SLC8A1: variants seen among roughly 807,000 people sequenced by gnomAD.
The protein encoded by SLC8A1 is solute carrier family 8 member A1.
SLC8A1 carries 18 observed loss-of-function variants against 68.3 expected under a neutral mutation model. That is an observed-to-expected ratio of 0.26 (90% CI 0.18 to 0.39). The LOEUF (loss-of-function observed/expected upper bound fraction) is 0.39. Ranked by LOEUF, SLC8A1 falls within the 10% of genes least tolerant of loss-of-function variation. The probability of loss-of-function intolerance (pLI) is 1.00; values close to 1 mark genes in which losing one functional copy is unlikely to be tolerated. For missense variants in SLC8A1, 985 were observed against 1,156.7 expected, an observed-to-expected ratio of 0.85 and a Z score of 2.15; for synonymous variants, 475 against 415.5, an observed-to-expected ratio of 1.14 and a Z score of -1.74.
At chr2:40,333,413 G>A (rs893237346) in intron 2 of SLC8A1, among the ~76,000 whole-genome samples, 1 of 148,082 alleles carries the variant, frequency 6.8e-6, no homozygotes. Flanking sequence ...ACTCCAGCCT[G>A]GGCAAGAGAG....
At chr2:40,324,135 T>C (rs922130031) in intron 2 of SLC8A1, among the ~76,000 whole-genome samples, 1 of 152,000 alleles carries the variant, frequency 6.6e-6, no homozygotes, top group Non-Finnish European at 1.5e-5. Flanking sequence ...AAAAAGGTGA[T>C]GGAGATATTC....
intron 2 of SLC8A1, among the ~76,000 whole-genome samples, chr2:40,308,976 C>T (rs1008702623): frequency 2.6e-5 from 4 of 152,032 alleles, no homozygotes; most frequent in Non-Finnish European, 5.9e-5. Flanking sequence ...AGTTGGTCTC[C>T]ATAGTTAACT....
chr2:40,142,978 G>C (rs2041863754), intron 6 of SLC8A1, among the ~76,000 whole-genome samples: 1 of 152,046 alleles, frequency 6.6e-6, no homozygotes, highest in Non-Finnish European at 1.5e-5. Flanking sequence ...GAGCGAGAGA[G>C]AGAGAGAGAA....
chr2:40,417,050 T>C (rs1192235238), intron 2 of SLC8A1, among the ~76,000 whole-genome samples: 1 of 152,150 alleles, frequency 6.6e-6, no homozygotes, highest in East Asian at 1.9e-4. Context: ...AGGAGCATTT[T>C]AAAATGTCTT....
chr2:40,116,533 A>G (rs968167047), intron 7 of SLC8A1, among the ~76,000 whole-genome samples: 5 of 152,150 alleles, frequency 3.3e-5, no homozygotes, highest in South Asian at 2.1e-4. Context: ...TCACTGTTCA[A>G]TTCCCACCTA....
At chr2:40,347,437 A>G (rs61578092) in intron 2 of SLC8A1, among the ~76,000 whole-genome samples, 20,231 of 152,246 alleles carry the variant, frequency 0.13, 1,555 homozygotes, top group East Asian at 0.2. Flanking sequence ...AAGAGAATCC[A>G]GGCTTCAGAG....
intron 2 of SLC8A1, among the ~76,000 whole-genome samples, chr2:40,315,878 G>T (rs1485568383): frequency 6.6e-6 from 1 of 152,010 alleles, no homozygotes; most frequent in African/African-American, 2.4e-5. Flanking sequence ...TTCTTGCAAT[G>T]AGAACATTTG....
chr2:40,275,551 G>A (rs1425879485), intron 2 of SLC8A1, among the ~76,000 whole-genome samples: 1 of 152,172 alleles, frequency 6.6e-6, no homozygotes, highest in African/African-American at 2.4e-5. Context: ...GAGGAACGCT[G>A]GGTTGAAAGC....
chr2:40,274,904 T>A (rs1034822994), intron 2 of SLC8A1, among the ~76,000 whole-genome samples: 1 of 152,222 alleles, frequency 6.6e-6, no homozygotes, highest in African/African-American at 2.4e-5. Context: ...TTATCCTTTA[T>A]ATTAAATGGA....
intron 2 of SLC8A1, among the ~76,000 whole-genome samples, chr2:40,417,124 G>C (rs1050028002): frequency 4.6e-5 from 7 of 152,186 alleles, no homozygotes; most frequent in African/African-American, 1.4e-4. Flanking sequence ...TCAGTCTTGT[G>C]ATTGTCTTCA....
chr2:40,203,937 A>G (rs1486769936), intron 2 of SLC8A1, among the ~76,000 whole-genome samples: 1 of 151,960 alleles, frequency 6.6e-6, no homozygotes, highest in African/African-American at 2.4e-5. Flanking sequence ...GCTGGTCTCA[A>G]ACTCTTGGGC....
chr2:40,320,211 ACATT>A (rs1167231885), intron 2 of SLC8A1, among the ~76,000 whole-genome samples: 1 of 152,184 alleles, frequency 6.6e-6, no homozygotes, highest in Non-Finnish European at 1.5e-5. Context: ...AAATACACAT[ACATT>A]GTTTTTCCCT....
intron 1 of SLC8A1, among the ~76,000 whole-genome samples, chr2:40,485,296 G>C (rs1346379787): frequency 2.0e-5 from 3 of 152,132 alleles, no homozygotes; most frequent in Admixed American, 2.0e-4. Flanking sequence ...CAATGTCTTA[G>C]GCGATTGTAG....
chr2:40,186,306 G>C (rs1279158842), intron 2 of SLC8A1, among the ~76,000 whole-genome samples: 1 of 152,168 alleles, frequency 6.6e-6, no homozygotes, highest in Non-Finnish European at 1.5e-5. Context: ...GAGATGATGA[G>C]CTTGCCATGG....
rs181507815 is a variant in SLC8A1 at position 40,375,312 on chromosome 2, T to C, written c.1808+53161A>G. Among the ~76,000 whole-genome samples, 3 of 152,198 alleles carry C rather than the reference T, an allele frequency of 2.0e-5. No individual in the cohort carries two copies. In the East Asian group the frequency reaches 5.8e-4, roughly 30 times the overall value. On this transcript the variant is annotated intron_variant, in intron 2 of 7. Coordinates refer to ENST00000406785, the Ensembl canonical transcript of SLC8A1. ...CAGAATTGACTCAAAATATTGGTAA[T>C]ATTTATCTTCCTGTTGGTTTGTTTG...
chr2:40,235,162 T>G (rs1425789792), intron 2 of SLC8A1, among the ~76,000 whole-genome samples: 2 of 151,842 alleles, frequency 1.3e-5, no homozygotes, highest in East Asian at 1.9e-4. Context: ...TGGAATAGTT[T>G]CAGAAGGAAT....
chr2:40,422,987 C>T (rs1414181088), intron 2 of SLC8A1, among the ~76,000 whole-genome samples: 4 of 152,014 alleles, frequency 2.6e-5, no homozygotes, highest in Non-Finnish European at 5.9e-5. Flanking sequence ...CATTTGAGAA[C>T]GGGAAAACAA....
At chr2:40,319,374 A>C (rs939083867) in intron 2 of SLC8A1, among the ~76,000 whole-genome samples, 4 of 152,042 alleles carry the variant, frequency 2.6e-5, no homozygotes, top group Admixed American at 1.3e-4. Flanking sequence ...GCCTCACTTA[A>C]TATCATCAGG....
At chr2:40,448,800 T>C (rs142367782) in intron 1 of SLC8A1, among the ~76,000 whole-genome samples, 23 of 152,250 alleles carry the variant, frequency 1.5e-4, no homozygotes, top group African/African-American at 5.5e-4. Flanking sequence ...ATTTGGATAA[T>C]ATTTTAGCAA....
Sources: allele counts gnomAD v4.1 joint callset (sites outside exome capture counted in the v4.1 genomes callset), GRCh38; gene constraint gnomAD v4.1.1; transcripts MANE v1.5; gene names NCBI Gene and HGNC (gene_info 2026-07-23, HGNC 2026-07-21).